The following CLASP1 variants were observed in gnomAD, a reference collection of about 807,000 sequenced individuals.
CLASP1 encodes the protein cytoplasmic linker associated protein 1, also known as CLIP-associating protein 1.
Under a neutral mutation model 192.3 loss-of-function variants are expected in CLASP1, and 38 were observed. That is an observed-to-expected ratio of 0.20 (90% CI 0.15 to 0.26). CLASP1 has a LOEUF of 0.26. CLASP1 is among the 10% of genes least tolerant of loss of function. The pLI, the probability that CLASP1 is intolerant of heterozygous loss-of-function variation, is 1.00. For synonymous variants in CLASP1, 691 were observed against 712.8 expected (o/e 0.97, Z 0.49); for missense variants, 1,433 against 1,932.5 (o/e 0.74, Z 4.85).
At chr2:121,384,210 AC>A (rs2072651382) in intron 32 of CLASP1, among the ~76,000 whole-genome samples, 1 of 151,722 alleles carries the variant, frequency 6.6e-6, no homozygotes, top group African/African-American at 2.4e-5. Flanking sequence ...TGTTTTTAAG[AC>A]AGGGTCTCAT....
At chr2:121,442,726 T>G (rs1233080523) in intron 19 of CLASP1, among the ~76,000 whole-genome samples, 1 of 152,134 alleles carries the variant, frequency 6.6e-6, no homozygotes, top group African/African-American at 2.4e-5. Context: ...GTGATTCACC[T>G]GCTTGGCCTC....
chr2:121,462,244 C>T (rs1450858067), intron 10 of CLASP1, among the ~76,000 whole-genome samples: 2 of 151,462 alleles, frequency 1.3e-5, no homozygotes, highest in African/African-American at 4.9e-5. Context: ...AATAAATATA[C>T]TTTTTTTATT....
intron 8 of CLASP1, among the ~76,000 whole-genome samples, chr2:121,501,449 G>T (rs1041948237): frequency 6.6e-5 from 10 of 152,272 alleles, no homozygotes; most frequent in African/African-American, 2.4e-4. Context: ...GTAAGCTAAA[G>T]TACAGGGTAA....
rs906898784 is a variant in CLASP1, at chr2:121,521,358, G to A, written c.546+4487C>T. 5.3e-5 allele frequency among the ~76,000 whole-genome samples: 8 copies of A among 152,258 alleles called. No individual in the cohort carries two copies. In the East Asian group the frequency reaches 1.5e-3, roughly 29 times the overall value. On this transcript the variant is annotated intron_variant, in intron 6 of 39. Transcript: ENST00000263710. ...CCTTTCGATATGAAAGTTGAAAACA[G>A]AAGAGGAGCTCACAAAGCAGCAGCC...
chr2:121,508,238 A>AG (rs1236358332), intron 7 of CLASP1, among the ~76,000 whole-genome samples: 2 of 152,148 alleles, frequency 1.3e-5, no homozygotes, highest in African/African-American at 4.8e-5. Context: ...ATAGCAAAAA[A>AG]AGAAGAAAAC....
chr2:121,448,384 C>T (rs1304901834), intron 17 of CLASP1, 59 bp from the exon 18 acceptor site: 7 of 1,314,940 alleles, frequency 5.3e-6, no homozygotes, highest in African/African-American at 2.9e-5. Flanking sequence ...AATACAAATA[C>T]AAACTACAAC....
intron 2 of CLASP1, among the ~76,000 whole-genome samples, chr2:121,595,374 C>T (rs773397737): frequency 7.2e-5 from 11 of 152,210 alleles, no homozygotes; most frequent in South Asian, 2.1e-4. Context: ...CACATAATGG[C>T]GCTTAATAAG....
At chr2:121,647,111 T>G (rs917746696) in intron 1 of CLASP1, among the ~76,000 whole-genome samples, 9 of 151,476 alleles carry the variant, frequency 5.9e-5, no homozygotes, top group Admixed American at 5.9e-4. Context: ...CTCACGCCTG[T>G]AATCCCAGCA....
intron 8 of CLASP1, among the ~76,000 whole-genome samples, chr2:121,478,665 C>CCA (rs1336561602): frequency 4.9e-4 from 47 of 95,600 alleles, no homozygotes; most frequent in East Asian, 9.6e-4. Context: ...CACACACCCC[C>CCA]CACACACACC....
chr2:121,367,765 C>T (rs1276047700), exon 35 of CLASP1: 2 of 1,613,988 alleles, frequency 1.2e-6, no homozygotes, highest in Non-Finnish European at 8.5e-7. Flanking sequence ...GCTGTCCGGC[C>T]TCCTTCTACT....
intron 6 of CLASP1, among the ~76,000 whole-genome samples, chr2:121,520,035 G>T (rs2094422842): frequency 6.6e-6 from 1 of 152,174 alleles, no homozygotes; most frequent in African/African-American, 2.4e-5. Flanking sequence ...GCTCTGCCAG[G>T]TCTTATATGT....
chr2:121,535,852 A>G (rs1305955426), intron 2 of CLASP1, among the ~76,000 whole-genome samples: 1 of 151,630 alleles, frequency 6.6e-6, no homozygotes, highest in Non-Finnish European at 1.5e-5. Context: ...TGTAGAGGAG[A>G]GGTTTTGCCA....
chr2:121,371,221 A>G (rs7577670), intron 34 of CLASP1, among the ~76,000 whole-genome samples: 37,017 of 149,940 alleles, frequency 0.25, 7,278 homozygotes, highest in African/African-American at 0.55. Flanking sequence ...GTGTGTGTGT[A>G]TATATACATA....
At chr2:121,497,822 C>T (rs989584303) in intron 8 of CLASP1, among the ~76,000 whole-genome samples, 2 of 152,058 alleles carry the variant, frequency 1.3e-5, no homozygotes, top group African/African-American at 2.4e-5. Flanking sequence ...CAGGTTCAAG[C>T]GATTCTCCTG....
At chr2:121,444,027 T>G (rs2083852738) in intron 19 of CLASP1, among the ~76,000 whole-genome samples, 1 of 152,200 alleles carries the variant, frequency 6.6e-6, no homozygotes, top group South Asian at 2.1e-4. Context: ...TGAAGGTTGG[T>G]GGGTTTAAGC....
In CLASP1 at chr2:121,405,363, T is replaced by C. The variant is rs543213617; in HGVS notation, c.2670-929A>G. ...CTCTGCTATCTTTAAGCCTGTGATT[T>C]CCTTATTGGTCAAACAGGATAAGGA... is the stretch of plus-strand genomic sequence containing the variant. On this transcript the variant is annotated intron_variant, in intron 25 of 39. Coordinates refer to ENST00000263710, the Ensembl canonical transcript of CLASP1. Among the ~76,000 whole-genome samples, 35 of 152,312 alleles carry C rather than the reference T, an allele frequency of 2.3e-4. No homozygotes were observed. In the South Asian group the frequency reaches 7.3e-3, roughly 32 times the overall value.
At chr2:121,409,739 T>C (rs1369690143) in intron 24 of CLASP1, among the ~76,000 whole-genome samples, 1 of 152,176 alleles carries the variant, frequency 6.6e-6, no homozygotes, top group Non-Finnish European at 1.5e-5. Flanking sequence ...TGCTGCAACT[T>C]GGAAGGACAA....
chr2:121,364,599 T>A (rs2067029572), intron 36 of CLASP1: 1 of 159,968 alleles, frequency 6.3e-6, no homozygotes, highest in Admixed American at 5.8e-5. Context: ...AAAATCAGAA[T>A]CATGCTTCTG....
intron 30 of CLASP1, among the ~76,000 whole-genome samples, chr2:121,394,891 C>T (rs535839841): frequency 6.6e-6 from 1 of 152,256 alleles, no homozygotes; most frequent in African/African-American, 2.4e-5. Context: ...AACAAACAAA[C>T]CAAAAAAACA....
Sources: gnomAD v4.1 joint callset for allele counts (sites outside exome capture counted in the v4.1 genomes callset) on GRCh38, gnomAD v4.1.1 for gene constraint, MANE v1.5 for transcripts, NCBI Gene and HGNC (gene_info 2026-07-23, HGNC 2026-07-21) for gene names.